Variants in ZC4H2 observed in about 807,000 individuals in gnomAD.
ZC4H2 encodes zinc finger C4H2-type containing.
For synonymous variants in ZC4H2, 84 were observed against 66.3 expected, an observed-to-expected ratio of 1.27 and a Z score of -1.30; for missense variants, 137 against 173.9, an observed-to-expected ratio of 0.79 and a Z score of 1.19.
chrX:64,979,174 C>A (rs1390292120), upstream of ZC4H2, among the ~76,000 whole-genome samples: 1 of 111,818 alleles, frequency 8.9e-6, no homozygotes, highest in Non-Finnish European at 1.9e-5. Flanking sequence ...GAAACAGAAC[C>A]AAGACTCCTG....
chrX:64,935,025 C>T (rs1412606103), intron 1 of ZC4H2, among the ~76,000 whole-genome samples: 1 of 110,962 alleles, frequency 9.0e-6, no homozygotes, highest in Non-Finnish European at 1.9e-5. Flanking sequence ...GCCAAGTAGT[C>T]TTGCTCAGTG....
intron 1 of ZC4H2, among the ~76,000 whole-genome samples, chrX:64,950,345 C>A (rs751427205): frequency 9.5e-4 from 106 of 111,660 alleles, no homozygotes; most frequent in African/African-American, 3.2e-3. Flanking sequence ...GTGGAGAATT[C>A]TGTAGATGTC....
intron 1 of ZC4H2, among the ~76,000 whole-genome samples, chrX:65,005,128 A>C (rs1006459963): frequency 2.7e-5 from 3 of 112,271 alleles, no homozygotes; most frequent in African/African-American, 9.7e-5. Context: ...GATAGGAAGA[A>C]TAAATATCAT....
chrX:64,928,676 T>TTCTTCTTCTTCTTCTTCC (rs1491217610), intron 1 of ZC4H2, among the ~76,000 whole-genome samples: 1 of 102,251 alleles, frequency 9.8e-6, no homozygotes, highest in African/African-American at 3.5e-5. Flanking sequence ...CTTCTTCTTC[T>TTCTTCTTCTTCTTCTTCC]TCTTCTTCCT....
intron 1 of ZC4H2, among the ~76,000 whole-genome samples, chrX:64,925,271 A>T (rs1263165438): frequency 8.9e-6 from 1 of 111,800 alleles, no homozygotes. Flanking sequence ...TAGTGGGAGA[A>T]TGGGAAGGGA....
chrX:64,975,507 G>A (rs776294857), intron 1 of ZC4H2, among the ~76,000 whole-genome samples: 1 of 112,221 alleles, frequency 8.9e-6, no homozygotes, highest in South Asian at 3.8e-4. Flanking sequence ...AGCCAAAGCA[G>A]GGGCTCACGC....
At chrX:65,034,028 G>T (rs1392857399) in intron 1 of ZC4H2, among the ~76,000 whole-genome samples, 1 of 106,415 alleles carries the variant, frequency 9.4e-6, no homozygotes, top group Non-Finnish European at 1.9e-5. Context: ...GTAAGAGATT[G>T]CAGTTAGCTG....
At chrX:65,017,708 A>T (rs943964915) in intron 1 of ZC4H2, among the ~76,000 whole-genome samples, 3 of 112,015 alleles carry the variant, frequency 2.7e-5, no homozygotes, top group African/African-American at 9.7e-5. Context: ...AGCTGCAGTG[A>T]TACAAATTCA....
chrX:64,928,669 CTT>C (rs1170475712), intron 1 of ZC4H2, among the ~76,000 whole-genome samples: 144 of 99,962 alleles, frequency 1.4e-3, no homozygotes, highest in Admixed American at 4.3e-3. Context: ...TCTTCTTCTT[CTT>C]CTTCTTCTTC....
At chrX:64,969,621 G>T (rs933597607) in intron 1 of ZC4H2, among the ~76,000 whole-genome samples, 4 of 111,793 alleles carry the variant, frequency 3.6e-5, no homozygotes, top group African/African-American at 1.3e-4. Flanking sequence ...CAGCAGCATT[G>T]CCTGGGAACT....
intron 1 of ZC4H2, among the ~76,000 whole-genome samples, chrX:64,934,917 C>G (rs183727458): frequency 5.4e-5 from 6 of 110,600 alleles, no homozygotes; most frequent in African/African-American, 2.0e-4. Flanking sequence ...TTTGGGCAGA[C>G]GCTGAACTAG....
intron 1 of ZC4H2, among the ~76,000 whole-genome samples, chrX:64,936,116 C>T (rs756002579): frequency 9.2e-6 from 1 of 109,122 alleles, no homozygotes; most frequent in South Asian, 4.0e-4. Context: ...ACAAGAACTT[C>T]GTGAAGCATA....
At position 64,921,925 on chromosome X, in the gene ZC4H2, C is replaced by T. The variant is rs767067968; in HGVS notation, c.117G>A (p.Glu39=). The T allele has an allele frequency of 8.3e-7, 1 of 1,208,576 alleles. No individual in the cohort carries two copies. Among genetic ancestry groups the T allele is most frequent in the Non-Finnish European group, 1.1e-6 (1 of 895,108 alleles). The change falls in exon 2 of 5, where the codon GAG becomes GAA. Residue 39 remains glutamate, a synonymous_variant. Transcript: ENST00000374839. ...ATTCCTTCAGGTGCCTTTCCTCTGA[C>T]TCAAGTGCCTCAAACTCAGCCTTCA... is the stretch of plus-strand genomic sequence containing the variant. ...ARLKAEFEAL[E]SEERHLKEYK...
chrX:64,965,367 C>A (rs1931550852), intron 1 of ZC4H2: 1 of 259,657 alleles, frequency 3.9e-6, no homozygotes, highest in Non-Finnish European at 7.2e-6. Flanking sequence ...CAGAAATAAA[C>A]CCACAGATGT....
chrX:64,919,470 A>G, intron 3 of ZC4H2: 5 of 297,279 alleles, frequency 1.7e-5, no homozygotes, highest in Non-Finnish European at 2.4e-5. Flanking sequence ...ATTCAGTCCT[A>G]TCTGCTATCT....
intron 1 of ZC4H2, among the ~76,000 whole-genome samples, chrX:64,939,758 T>C (rs1930181054): frequency 8.9e-6 from 1 of 111,813 alleles, no homozygotes; most frequent in Non-Finnish European, 1.9e-5. Context: ...GACCCCTTAC[T>C]TACACCTTAT....
At position 64,921,798 on chromosome X, in the gene ZC4H2, G is replaced by T; in HGVS notation, c.225+19C>A. 3.3e-6 allele frequency: 4 copies of T among 1,205,894 alleles called. No individual in the cohort carries two copies. The highest frequency in any genetic ancestry group is 3.4e-6 in the Non-Finnish European group (3 of 892,878). ...TCTTTCTCAAAGGCTTTAGAGATAG[G>T]CTCCAGGCAGCCACGTACCACATTG... On this transcript the variant is annotated intron_variant, in intron 2 of 4. Transcript: ENST00000374839.
chrX:64,993,753 C>T (rs1359840768), intron 1 of ZC4H2, among the ~76,000 whole-genome samples: 4 of 112,158 alleles, frequency 3.6e-5, no homozygotes, highest in Admixed American at 9.4e-5. Flanking sequence ...GCACCCCCTC[C>T]TCTTCATTTT....
chrX:65,008,618 A>T (rs1168032406), intron 1 of ZC4H2, among the ~76,000 whole-genome samples: 4 of 112,649 alleles, frequency 3.6e-5, no homozygotes, highest in Non-Finnish European at 7.5e-5. Context: ...CACACAATGA[A>T]ATATTATTCA....
Sources: gnomAD v4.1 joint callset for allele counts (sites outside exome capture counted in the v4.1 genomes callset) on GRCh38, gnomAD v4.1.1 for gene constraint, MANE v1.5 for transcripts, NCBI Gene and HGNC (gene_info 2026-07-23, HGNC 2026-07-21) for gene names.